CGNL1: variants seen among roughly 807,000 people sequenced by gnomAD.
CGNL1 encodes the protein cingulin like 1.
CGNL1 carries 132 observed loss-of-function variants against 141.2 expected under a neutral mutation model. The observed-to-expected ratio is 0.93, with a 90% CI of 0.81 to 1.08. The LOEUF is 1.08. CGNL1 is among the 50% of genes least tolerant of loss of function. The pLI is 0.00. For missense variants in CGNL1, 1,870 were observed against 1,588.6 expected, an observed-to-expected ratio of 1.18 and a Z score of -3.01; for synonymous variants, 690 against 622.1, an observed-to-expected ratio of 1.11 and a Z score of -1.63.
At chr15:57,447,053 G>T (rs1354494650) in intron 4 of CGNL1, among the ~76,000 whole-genome samples, 1 of 151,974 alleles carries the variant, frequency 6.6e-6, no homozygotes, top group Non-Finnish European at 1.5e-5. Flanking sequence ...ACCAAGAAAA[G>T]CCTCTAGGAA....
chr15:57,378,575 G>A (rs918010179), intron 1 of CGNL1, among the ~76,000 whole-genome samples: 1 of 151,670 alleles, frequency 6.6e-6, no homozygotes, highest in South Asian at 2.1e-4. Context: ...TAGAGACAGG[G>A]TTTCGCCATG....
At chr15:57,544,440 A>C (rs377514755) in intron 15 of CGNL1, 33 bp from the exon 16 acceptor site, 1 of 1,613,534 alleles carries the variant, frequency 6.2e-7, no homozygotes, top group Non-Finnish European at 8.5e-7. Context: ...TGGCAGACAC[A>C]TAGCCCCTCA....
chr15:57,494,976 C>T (rs980366878), intron 8 of CGNL1, among the ~76,000 whole-genome samples: 25 of 152,208 alleles, frequency 1.6e-4, no homozygotes, highest in African/African-American at 6.0e-4. Context: ...TCACTCATTC[C>T]TTGTATGACA....
intron 1 of CGNL1, among the ~76,000 whole-genome samples, chr15:57,435,407 G>GT (rs1249529527): frequency 0.041 from 3,959 of 96,796 alleles, 196 homozygotes; most frequent in East Asian, 0.16. Context: ...AAATTTGCAG[G>GT]TTTTTTTGTT....
intron 15 of CGNL1, 150 bp from the exon 16 acceptor site, chr15:57,544,323 T>C (rs999836790): frequency 2.3e-6 from 2 of 865,116 alleles, no homozygotes; most frequent in Non-Finnish European, 3.5e-6. Context: ...ATCTCTGTGT[T>C]CCCCAGGTCT....
intron 1 of CGNL1, among the ~76,000 whole-genome samples, chr15:57,384,215 G>T (rs60845686): frequency 0.095 from 14,420 of 152,134 alleles, 730 homozygotes; most frequent in Middle Eastern, 0.14. Flanking sequence ...CCAACTTTCT[G>T]GGTGTGAGGC....
At chr15:57,461,937 G>A (rs1482654094) in intron 8 of CGNL1, 45 bp downstream of exon 8, 1 of 1,457,102 alleles carries the variant, frequency 6.9e-7, no homozygotes, top group Non-Finnish European at 9.6e-7. Flanking sequence ...CAGATGAAAG[G>A]GTAAGACCCT....
rs1323205884 is a variant in CGNL1 at position 57,439,277 on chromosome 15, G to A, written c.1278G>A (p.Pro426=). 1.9e-6 allele frequency: 3 copies of A among 1,613,926 alleles called. No homozygotes were observed. Among genetic ancestry groups the A allele is most frequent in the African/African-American group, 1.3e-5 (1 of 74,928 alleles). The change falls in exon 2 of 19, where the codon CCG becomes CCA. Residue 426 remains proline (P), a synonymous_variant. Transcript: ENST00000281282. The stretch of plus-strand genomic sequence containing the variant: ...TCCTCCGGCCTTCCCAGGTGTGCCC[G>A]CAGCGGCCACTGTCTCAGGAGCGCC... ...EHLLRPSQVC[P]QRPLSQERRG... is the part of the protein sequence containing the mutation.
In CGNL1 at chr15:57,494,329, G is replaced by C. The variant is rs114038258; in HGVS notation, c.2404-22451G>C. Among the ~76,000 whole-genome samples the C allele has an allele frequency of 7.8e-3, 1,188 of 152,296 alleles. 16 individuals are homozygous for C. Among genetic ancestry groups the C allele is most frequent in the African/African-American group, 0.027 (1,109 of 41,564 alleles). On this transcript the variant is annotated intron_variant, in intron 8 of 18. Coordinates refer to ENST00000281282, the MANE Select transcript of CGNL1 (RefSeq NM_032866.5). ...CCAAGAAGCTTTGTTTATGATGGAA[G>C]TACAGAGGTGGAGTTCTCGTTCTCT...
intron 14 of CGNL1, among the ~76,000 whole-genome samples, chr15:57,534,667 G>A (rs2934449): frequency 6.6e-6 from 1 of 151,960 alleles, no homozygotes; most frequent in African/African-American, 2.4e-5. Flanking sequence ...ACTTCAAAAC[G>A]TAAGGCCGCT....
At chr15:57,472,424 C>G (rs1349203063) in intron 8 of CGNL1, among the ~76,000 whole-genome samples, 2 of 152,054 alleles carry the variant, frequency 1.3e-5, no homozygotes, top group Admixed American at 6.5e-5. Flanking sequence ...GAGAGAGAGA[C>G]AGACAGACAA....
chr15:57,488,713 C>T (rs1022245485), intron 8 of CGNL1, among the ~76,000 whole-genome samples: 7 of 152,176 alleles, frequency 4.6e-5, no homozygotes, highest in Admixed American at 4.6e-4. Flanking sequence ...ACAGCTTGTG[C>T]CAAGAGTGGG....
chr15:57,471,373 G>A (rs2063579132), intron 8 of CGNL1, among the ~76,000 whole-genome samples: 1 of 152,186 alleles, frequency 6.6e-6, no homozygotes, highest in African/African-American at 2.4e-5. Context: ...TGGAGAGGTA[G>A]GACACTGGGT....
At chr15:57,427,340 A>G (rs1172874389) in intron 1 of CGNL1, among the ~76,000 whole-genome samples, 1 of 152,226 alleles carries the variant, frequency 6.6e-6, no homozygotes, top group Non-Finnish European at 1.5e-5. Context: ...CACACTATAC[A>G]ATACAGAGTA....
intron 1 of CGNL1, chr15:57,398,271 T>C (rs1188234634): frequency 6.6e-6 from 1 of 152,234 alleles, no homozygotes; most frequent in Non-Finnish European, 1.5e-5. Flanking sequence ...TTTATTTACA[T>C]ATATGTATGC....
At chr15:57,475,155 C>T (rs888315531) in intron 8 of CGNL1, among the ~76,000 whole-genome samples, 4 of 152,190 alleles carry the variant, frequency 2.6e-5, no homozygotes, top group African/African-American at 9.7e-5. Context: ...CACCACCTGC[C>T]GCAGGTTGGC....
At position 57,442,562 on chromosome 15, in the gene CGNL1, G is replaced by C. The variant is rs1371732113; in HGVS notation, c.1803+84G>C. On this transcript the variant is annotated intron_variant, in intron 4 of 18. Coordinates refer to ENST00000281282, the MANE Select transcript of CGNL1 (RefSeq NM_032866.5). Reference sequence around the variant, plus strand: ...TGCTGTTTCTTCAGTCTGTATGTTTGTTTATAGCAGTAAGTGGGAAGTTGC... The same window carrying C: ...TGCTGTTTCTTCAGTCTGTATGTTTCTTTATAGCAGTAAGTGGGAAGTTGC... 1.0e-5 allele frequency: 8 copies of C among 802,978 alleles called. No individual in the cohort carries two copies. The African/African-American group carries it at 1.0e-4, about 10-fold the overall frequency. 49.7% of individuals were successfully genotyped at this position (802,978 alleles called of 1,614,324 possible). A position where few individuals can be genotyped will look rare whatever the true frequency, so the allele number is the denominator to read the frequency against.
chr15:57,543,625 G>T, intron 14 of CGNL1, 71 bp from the exon 15 acceptor site: 1 of 1,364,376 alleles, frequency 7.3e-7, no homozygotes, highest in East Asian at 2.3e-5. Context: ...TCAGTTCCTT[G>T]CCACCATTTC....
chr15:57,383,299 T>TTTTTCTTTG (rs2062444932), intron 1 of CGNL1, among the ~76,000 whole-genome samples: 1 of 96,034 alleles, frequency 1.0e-5, no homozygotes, highest in Non-Finnish European at 2.2e-5. Context: ...TTCCTTTTTT[T>TTTTTCTTTG]TTTTTTGTTT....
Sources: gnomAD v4.1 joint callset for allele counts (sites outside exome capture counted in the v4.1 genomes callset) on GRCh38, gnomAD v4.1.1 for gene constraint, MANE v1.5 for transcripts, NCBI Gene and HGNC (gene_info 2026-07-23, HGNC 2026-07-21) for gene names.